Variants in GABRG3 observed in about 807,000 individuals in gnomAD.
GABRG3 encodes the protein gamma-aminobutyric acid receptor subunit gamma-3.
Under a neutral mutation model 48.8 loss-of-function variants are expected in GABRG3, and 25 were observed. The observed-to-expected ratio is 0.51, with a 90% CI of 0.37 to 0.72. The LOEUF is 0.72. Among genes scored for constraint, GABRG3 ranks in the 30% least tolerant of loss-of-function variants. The pLI, the probability that GABRG3 is intolerant of heterozygous loss-of-function variation, is 0.00. For missense variants in GABRG3, 394 were observed against 577.9 expected (o/e 0.68, Z 3.26); for synonymous variants, 227 against 217.6 (o/e 1.04, Z -0.38).
chr15:27,324,009 C>G (rs899574330), intron 3 of GABRG3, among the ~76,000 whole-genome samples: 1 of 152,170 alleles, frequency 6.6e-6, no homozygotes, highest in Non-Finnish European at 1.5e-5. Flanking sequence ...CACACCCAGC[C>G]CCAAACGGGG....
rs920771835 is a variant in GABRG3, at chr15:27,423,759, T to C, written c.575-56891T>C. Among the ~76,000 whole-genome samples, 115 of 135,950 alleles carry C rather than the reference T, an allele frequency of 8.5e-4. 1 individual carries two copies. Among genetic ancestry groups the C allele is most frequent in the Admixed American group, 2.1e-3 (26 of 12,512 alleles). 89.2% of individuals were successfully genotyped at this position (135,950 alleles called of 152,430 possible). A position where few individuals can be genotyped will look rare whatever the true frequency, so the allele number is the denominator to read the frequency against. On this transcript the variant is annotated intron_variant, in intron 5 of 9. Coordinates refer to ENST00000615808, the MANE Select transcript of GABRG3 (RefSeq NM_033223.5). ...TTTTTTTTTTTTTTTGTAGAGATGATGTCTCATTATATTGCCCTGTCTGGT... is the reference window on the plus strand; with the variant it reads ...TTTTTTTTTTTTTTTGTAGAGATGACGTCTCATTATATTGCCCTGTCTGGT...
At chr15:27,232,185 A>G (rs764578272) in intron 3 of GABRG3, among the ~76,000 whole-genome samples, 1 of 152,226 alleles carries the variant, frequency 6.6e-6, no homozygotes, top group Non-Finnish European at 1.5e-5. Context: ...GTAAAATTCA[A>G]TTTTATTGTA....
chr15:27,115,617 G>C (rs1407266451), intron 3 of GABRG3, among the ~76,000 whole-genome samples: 1 of 152,178 alleles, frequency 6.6e-6, no homozygotes, highest in Non-Finnish European at 1.5e-5. Flanking sequence ...AGACTATGCA[G>C]GTACATTTCT....
At chr15:27,149,321 T>G (rs1043969957) in intron 3 of GABRG3, among the ~76,000 whole-genome samples, 3 of 152,176 alleles carry the variant, frequency 2.0e-5, no homozygotes, top group African/African-American at 7.2e-5. Context: ...AACTAAAATA[T>G]TCTTAAAAGA....
chr15:27,026,062 C>T (rs549842141), intron 2 of GABRG3, among the ~76,000 whole-genome samples: 1 of 152,324 alleles, frequency 6.6e-6, no homozygotes, highest in African/African-American at 2.4e-5. Context: ...TAGCCTCTGA[C>T]ATACGGCGTT....
In GABRG3 at chr15:27,182,864, G is replaced by A. The variant is rs141079221; in HGVS notation, c.271-143945G>A. On this transcript the variant is annotated intron_variant, in intron 3 of 9. Transcript: ENST00000615808. Reference sequence around the variant, plus strand: ...AGATGAGCTGCTGCTGGTGCAGGCCGCTAATGGGAAACCAGTGTTTACGGG... The same window carrying A: ...AGATGAGCTGCTGCTGGTGCAGGCCACTAATGGGAAACCAGTGTTTACGGG... Among the ~76,000 whole-genome samples the A allele has an allele frequency of 6.6e-3, 1,010 of 152,272 alleles. 10 individuals carry two copies. The highest frequency in any genetic ancestry group is 0.022 in the African/African-American group (933 of 41,554).
chr15:27,345,233 A>G (rs1169156599), intron 5 of GABRG3, among the ~76,000 whole-genome samples: 3 of 152,148 alleles, frequency 2.0e-5, no homozygotes, highest in Non-Finnish European at 2.9e-5. Flanking sequence ...AATATCTACC[A>G]TGTTTTCTGT....
chr15:27,142,222 G>A (rs902722716), intron 3 of GABRG3, among the ~76,000 whole-genome samples: 1 of 152,052 alleles, frequency 6.6e-6, no homozygotes, highest in Admixed American at 6.5e-5. Context: ...TAACTACTCT[G>A]TTTAAGAGTA....
At chr15:27,349,993 A>C (rs1894505430) in intron 5 of GABRG3, 3 of 354,418 alleles carry the variant, frequency 8.5e-6, no homozygotes, top group African/African-American at 2.2e-5. Context: ...ATCGGTACTC[A>C]CTTCTGGCTA....
At chr15:27,074,081 G>C (rs7167003) in intron 3 of GABRG3, among the ~76,000 whole-genome samples, 31,390 of 152,056 alleles carry the variant, frequency 0.21, 3,404 homozygotes, top group Middle Eastern at 0.27. Context: ...GAGGAAGACA[G>C]AAAAGGGAGA....
intron 3 of GABRG3, among the ~76,000 whole-genome samples, chr15:27,091,277 T>G (rs1442272314): frequency 2.6e-5 from 4 of 152,246 alleles, no homozygotes; most frequent in Non-Finnish European, 4.4e-5. Context: ...TGTGATGTAT[T>G]GCATTAACTT....
chr15:27,498,559 G>C (rs1408933636), intron 6 of GABRG3, among the ~76,000 whole-genome samples: 1 of 151,912 alleles, frequency 6.6e-6, no homozygotes, highest in East Asian at 1.9e-4. Context: ...GCAGTGGCGT[G>C]ATGTCGGCTC....
At chr15:27,096,629 T>A (rs1259106671) in intron 3 of GABRG3, among the ~76,000 whole-genome samples, 1 of 152,172 alleles carries the variant, frequency 6.6e-6, no homozygotes, top group Non-Finnish European at 1.5e-5. Flanking sequence ...AACTATAAGA[T>A]ACTAACTTCT....
intron 3 of GABRG3, among the ~76,000 whole-genome samples, chr15:27,058,276 G>T (rs1289910707): frequency 1.3e-5 from 2 of 152,232 alleles, no homozygotes; most frequent in Non-Finnish European, 2.9e-5. Flanking sequence ...TGAGAATGGA[G>T]ATGATAGGGA....
At chr15:27,503,761 G>A (rs948313401) in intron 6 of GABRG3, among the ~76,000 whole-genome samples, 5 of 152,194 alleles carry the variant, frequency 3.3e-5, no homozygotes, top group Non-Finnish European at 1.5e-5. Context: ...CATTTATTGA[G>A]AGAGAAGTAC....
At chr15:27,501,952 GAAGCATT>G in intron 6 of GABRG3, among the ~76,000 whole-genome samples, 1 of 152,118 alleles carries the variant, frequency 6.6e-6, no homozygotes. Context: ...TACCCATGTT[GAAGCATT>G]CTCACACATT....
intron 3 of GABRG3, among the ~76,000 whole-genome samples, chr15:27,158,796 CCTT>C (rs2140401982): frequency 1.3e-5 from 2 of 152,288 alleles, no homozygotes; most frequent in South Asian, 4.1e-4. Flanking sequence ...GGGAATACCT[CCTT>C]ATTAGGTGAA....
At chr15:27,344,948 C>A (rs187179862) in intron 5 of GABRG3, among the ~76,000 whole-genome samples, 1 of 152,204 alleles carries the variant, frequency 6.6e-6, no homozygotes, top group Non-Finnish European at 1.5e-5. Flanking sequence ...TTGTGTAAGG[C>A]CACTATCTAT....
intron 3 of GABRG3, among the ~76,000 whole-genome samples, chr15:27,038,535 C>A (rs978021894): frequency 6.6e-6 from 1 of 152,210 alleles, no homozygotes; most frequent in African/African-American, 2.4e-5. Flanking sequence ...CCTGGCACCA[C>A]GCTCTTCTCC....
Sources: gnomAD v4.1 joint callset for allele counts (sites outside exome capture counted in the v4.1 genomes callset) on GRCh38, gnomAD v4.1.1 for gene constraint, MANE v1.5 for transcripts, NCBI Gene and HGNC (gene_info 2026-07-23, HGNC 2026-07-21) for gene names.